GPR158: variants seen among roughly 807,000 people sequenced by gnomAD.
GPR158 encodes the protein G protein-coupled receptor 158.
In GPR158, 30 loss-of-function variants were observed where a neutral mutation model predicts 78.2. That is an observed-to-expected ratio of 0.38 (90% CI 0.29 to 0.52). The LOEUF (loss-of-function observed/expected upper bound fraction) is 0.52, where lower values mean the gene tolerates loss of function less well. Among genes scored for constraint, GPR158 ranks in the 20% least tolerant of loss-of-function variants. The probability of loss-of-function intolerance (pLI) is 0.83; values close to 1 mark genes in which losing one functional copy is unlikely to be tolerated. For synonymous variants in GPR158, 581 were observed against 591.1 expected (o/e 0.98, Z 0.25); for missense variants, 1,463 against 1,523.5 (o/e 0.96, Z 0.66).
chr10:25,287,783 G>A (rs1854373921), intron 2 of GPR158, among the ~76,000 whole-genome samples: 1 of 152,082 alleles, frequency 6.6e-6, no homozygotes, highest in African/African-American at 2.4e-5. Flanking sequence ...AAAAGTTAAA[G>A]GTTTTCATAT....
At chr10:25,558,620 G>A (rs1240695500) in intron 6 of GPR158, among the ~76,000 whole-genome samples, 1 of 152,154 alleles carries the variant, frequency 6.6e-6, no homozygotes, top group African/African-American at 2.4e-5. Flanking sequence ...TGTGCCAGAG[G>A]CCCACCTGGC....
intron 7 of GPR158, among the ~76,000 whole-genome samples, chr10:25,580,888 G>A (rs1020139518): frequency 6.6e-6 from 1 of 150,400 alleles, no homozygotes; most frequent in Admixed American, 6.6e-5. Flanking sequence ...CATATGCCCA[G>A]CTAATTTTTT....
At chr10:25,496,882 G>A (rs1588887502) in intron 5 of GPR158, among the ~76,000 whole-genome samples, 1 of 152,184 alleles carries the variant, frequency 6.6e-6, no homozygotes, top group Non-Finnish European at 1.5e-5. Flanking sequence ...TTTGATCAAC[G>A]AGGAAGTATC....
At chr10:25,425,246 A>G (rs779811676) in intron 4 of GPR158, among the ~76,000 whole-genome samples, 14 of 151,436 alleles carry the variant, frequency 9.2e-5, no homozygotes, top group Non-Finnish European at 2.1e-4. Context: ...TGAGTTCTTG[A>G]AGGATTCTCC....
intron 5 of GPR158, among the ~76,000 whole-genome samples, chr10:25,540,553 C>A (rs1269544290): frequency 6.6e-6 from 1 of 152,080 alleles, no homozygotes; most frequent in Non-Finnish European, 1.5e-5. Flanking sequence ...AAATGTCCAA[C>A]AATGATAGAC....
In GPR158 at chr10:25,576,970, CAA is replaced by C. The variant is rs765153642; in HGVS notation, c.1753+4099_1753+4100del. ...GCTCATCCCATAGTGACAGTGTTCT[CAA>C]AAAAAAAAAAAAAAAGTCAGGGCAC... On this transcript the variant is annotated intron_variant, in intron 7 of 10. Coordinates refer to ENST00000376351, the MANE Select transcript of GPR158 (RefSeq NM_020752.3). 6.0e-3 allele frequency among the ~76,000 whole-genome samples: 680 copies of C among 113,718 alleles called. 2 individuals are homozygous for C. The highest frequency in any genetic ancestry group is 0.041 in the Middle Eastern group (7 of 172). The allele number at this position is 113,718 out of a possible 152,430, so 74.6% of individuals were successfully genotyped here.
chr10:25,359,654 ATCAT>A (rs1855603026), intron 2 of GPR158, among the ~76,000 whole-genome samples: 1 of 152,152 alleles, frequency 6.6e-6, no homozygotes, highest in African/African-American at 2.4e-5. Context: ...TATCCAGTCT[ATCAT>A]TGATGGGCAT....
chr10:25,216,482 GA>G (rs1010191002), intron 1 of GPR158, among the ~76,000 whole-genome samples: 110 of 151,846 alleles, frequency 7.2e-4, no homozygotes, highest in African/African-American at 2.6e-3. Flanking sequence ...GGGGTGGGGG[GA>G]ATGTCAGTTT....
intron 2 of GPR158, among the ~76,000 whole-genome samples, chr10:25,258,687 TAATA>T (rs935845129): frequency 1.3e-5 from 2 of 152,166 alleles, no homozygotes; most frequent in Non-Finnish European, 2.9e-5. Flanking sequence ...AAGAACAAGA[TAATA>T]AATATTTTAG....
At chr10:25,255,190 C>A (rs1853874325) in intron 2 of GPR158, among the ~76,000 whole-genome samples, 1 of 152,154 alleles carries the variant, frequency 6.6e-6, no homozygotes, top group South Asian at 2.1e-4. Context: ...AAATAGAAAA[C>A]CTTGACAATT....
At chr10:25,431,728 C>T (rs186809626) in intron 4 of GPR158, among the ~76,000 whole-genome samples, 1 of 151,850 alleles carries the variant, frequency 6.6e-6, no homozygotes, top group African/African-American at 2.4e-5. Flanking sequence ...ATGAAATTGG[C>T]AATCATCATT....
intron 8 of GPR158, among the ~76,000 whole-genome samples, chr10:25,593,222 C>G (rs1221295430): frequency 6.6e-6 from 1 of 151,892 alleles, no homozygotes; most frequent in Non-Finnish European, 1.5e-5. Flanking sequence ...AGGGGAGCAG[C>G]ATGGAGGTGA....
At chr10:25,280,871 C>T (rs762294675) in intron 2 of GPR158, among the ~76,000 whole-genome samples, 57 of 152,218 alleles carry the variant, frequency 3.7e-4, no homozygotes, top group Non-Finnish European at 7.4e-4. Flanking sequence ...CGTGGTGGCT[C>T]GTGCCTATAA....
intron 1 of GPR158, among the ~76,000 whole-genome samples, chr10:25,213,445 CA>C (rs1331693568): frequency 2.0e-5 from 3 of 152,102 alleles, no homozygotes; most frequent in African/African-American, 7.2e-5. Flanking sequence ...AGTGCTAAAA[CA>C]ACTTTTCATT....
chr10:25,312,382 T>A (rs1005456711), intron 2 of GPR158, among the ~76,000 whole-genome samples: 1 of 152,012 alleles, frequency 6.6e-6, no homozygotes, highest in African/African-American at 2.4e-5. Context: ...TCAGAAGATG[T>A]TAATATTGGG....
intron 2 of GPR158, among the ~76,000 whole-genome samples, chr10:25,333,620 T>A (rs1855158301): frequency 1.3e-5 from 2 of 152,118 alleles, no homozygotes; most frequent in Admixed American, 6.6e-5. Context: ...AAAGGGAGAA[T>A]GAATGATTGA....
At chr10:25,535,797 C>A (rs527402994) in intron 5 of GPR158, among the ~76,000 whole-genome samples, 1 of 152,268 alleles carries the variant, frequency 6.6e-6, no homozygotes, top group Non-Finnish European at 1.5e-5. Context: ...CTCTCTATAC[C>A]CCATTCTCAA....
At chr10:25,308,300 C>CCG (rs1244906244) in intron 2 of GPR158, among the ~76,000 whole-genome samples, 11 of 152,198 alleles carry the variant, frequency 7.2e-5, no homozygotes, top group Admixed American at 1.3e-4. Context: ...GCTCTCCCGA[C>CCG]TCAAACCTAC....
chr10:25,451,271 T>C (rs1418342469), intron 4 of GPR158, among the ~76,000 whole-genome samples: 1 of 152,224 alleles, frequency 6.6e-6, no homozygotes, highest in African/African-American at 2.4e-5. Context: ...GATTCATCAG[T>C]GTGTATTTCC....
Sources: gnomAD v4.1 joint callset for allele counts (sites outside exome capture counted in the v4.1 genomes callset) on GRCh38, gnomAD v4.1.1 for gene constraint, MANE v1.5 for transcripts, NCBI Gene and HGNC (gene_info 2026-07-23, HGNC 2026-07-21) for gene names.